Variants in MNS1 observed in about 807,000 individuals in gnomAD.
MNS1 encodes meiosis specific nuclear structural 1, also known as meiosis-specific nuclear structural protein 1.
In MNS1, 63 loss-of-function variants were observed where a neutral mutation model predicts 72.0. That is an observed-to-expected ratio of 0.87 (90% CI 0.71 to 1.08). The LOEUF is 1.08. MNS1 is among the 50% of genes least tolerant of loss of function. MNS1 has a pLI of 0.00. For missense variants in MNS1, 604 were observed against 562.4 expected (o/e 1.07, Z -0.75); for synonymous variants, 188 against 172.1 (o/e 1.09, Z -0.72).
intron 8 of MNS1, 135 bp from the exon 9 acceptor site, chr15:56,431,633 TAATA>T: frequency 1.6e-6 from 1 of 608,968 alleles, no homozygotes; most frequent in Non-Finnish European, 2.5e-6. Flanking sequence ...AGATTCTAGA[TAATA>T]TATATTTTTA....
At chr15:56,444,370 C>A in intron 5 of MNS1, 74 bp downstream of exon 5, 1 of 1,285,520 alleles carries the variant, frequency 7.8e-7, no homozygotes, top group Non-Finnish European at 1.1e-6. Context: ...CTAGGTGCTT[C>A]AGTTCCTCAC....
intron 8 of MNS1, 102 bp downstream of exon 8, chr15:56,434,036 T>C (rs1024183915): frequency 7.8e-7 from 1 of 1,277,368 alleles, no homozygotes; most frequent in Non-Finnish European, 1.1e-6. Flanking sequence ...CATACTAACA[T>C]TGTCTGGCAT....
chr15:56,443,688 T>A lies in MNS1; in HGVS notation c.853A>T (p.Met285Leu). The change falls in exon 6 of 10, where the codon ATG becomes TTG. Residue 285 changes from methionine (M) to leucine (L), a missense_variant. Transcript: ENST00000260453. ...TCCTCATTTTCTTGAACTTTTGCCA[T>A]CCGATCTTCTTCTCTTTGCTGCTGC... ...NMQQQREEDR[M>L]AKVQENEEKR... 1 of 1,613,538 alleles carries A rather than the reference T, an allele frequency of 6.2e-7. No homozygotes were observed. Among genetic ancestry groups the A allele is most frequent in the Non-Finnish European group, 8.5e-7 (1 of 1,179,772 alleles).
rs764863067 is a variant in MNS1, at chr15:56,464,024, ACC to A, written c.225_225+1del. ...AAAGTAACAATGAATAGTAAAACTT[ACC>A]TTTTGAATGGCCTCTTCCATATCCA... On this transcript the variant is annotated splice_donor_variant and coding_sequence_variant, in exon 2 of 10. Coordinates refer to ENST00000260453, the MANE Select transcript of MNS1 (RefSeq NM_018365.4). LOFTEE classifies it high-confidence loss of function. 6.2e-7 allele frequency: 1 copy of A among 1,602,116 alleles called. No individual in the cohort carries two copies. Among genetic ancestry groups the A allele is most frequent in the South Asian group, 1.1e-5 (1 of 88,378 alleles).
rs752613858 is a variant in MNS1 at position 56,444,591 on chromosome 15, C to T, written c.539G>A (p.Arg180Gln). The change falls in exon 5 of 10, where the codon CGA becomes CAA. Residue 180 changes from arginine to glutamine, a missense_variant. Transcript: ENST00000260453. ...IKEENAAEDK[R>Q]NKAKAQYYLD... ...ATAGTACTGTGCTTTCGCTTTGTTT[C>T]GTTTGTCTTCTGCAGCATTCTCTTC... 18 of 1,612,592 alleles carry T rather than the reference C, an allele frequency of 1.1e-5. No individual in the cohort carries two copies. The highest frequency in any genetic ancestry group is 9.4e-5 in the African/African-American group (7 of 74,684).
At chr15:56,430,354 G>A (rs2050551464) in intron 9 of MNS1, among the ~76,000 whole-genome samples, 1 of 152,088 alleles carries the variant, frequency 6.6e-6, no homozygotes, top group African/African-American at 2.4e-5. Flanking sequence ...CTACAGGCGT[G>A]CATCACCACA....
chr15:56,431,698 T>C (rs1233600780), intron 8 of MNS1, among the ~76,000 whole-genome samples, 200 bp from the exon 9 acceptor site: 7 of 152,014 alleles, frequency 4.6e-5, no homozygotes, highest in Non-Finnish European at 1.0e-4. Context: ...TTACTGTCAT[T>C]ATTCCTTTAA....
intron 3 of MNS1, among the ~76,000 whole-genome samples, chr15:56,452,756 G>T (rs1004860304): frequency 2.0e-5 from 3 of 151,992 alleles, no homozygotes; most frequent in Non-Finnish European, 2.9e-5. Context: ...CTGACCCTGC[G>T]ATCCACTCAC....
At chr15:56,443,147 T>C (rs1306408479) in intron 7 of MNS1, among the ~76,000 whole-genome samples, 2 of 152,214 alleles carry the variant, frequency 1.3e-5, no homozygotes, top group Non-Finnish European at 2.9e-5. Context: ...GTATGTTACG[T>C]ATCTTTCACC....
In MNS1 at chr15:56,428,977, G is replaced by GTGA; in HGVS notation, c.*121_*123dup. ...AATTGTTTACAAGTTATGAAATTCA[G>GTGA]TGATGATTTACAAAATCCAAACAGA... On this transcript the variant is annotated 3_prime_UTR_variant, in exon 10 of 10. Coordinates refer to ENST00000260453, the MANE Select transcript of MNS1 (RefSeq NM_018365.4). 1 of 566,364 alleles carries GTGA rather than the reference G, an allele frequency of 1.8e-6. No individual in the cohort carries two copies. The highest frequency in any genetic ancestry group is 3.1e-6 in the Non-Finnish European group (1 of 326,876). The allele number at this position is 566,364 out of a possible 1,614,324, so 35.1% of individuals were successfully genotyped here. A position where few individuals can be genotyped will look rare whatever the true frequency, so the allele number is the denominator to read the frequency against.
At position 56,443,850 on chromosome 15, in the gene MNS1, T is replaced by G. The variant is rs942563497; in HGVS notation, c.691A>C (p.Lys231Gln). Reference sequence around the variant, plus strand: ...TTCATTTTTTCTAACTTTTGTTGTTTTTCCCTGAAAAGCAATAACAAGTAC... The same window carrying G: ...TTCATTTTTTCTAACTTTTGTTGTTGTTCCCTGAAAAGCAATAACAAGTAC... Reference protein sequence around the residue: ...RKIYEEDQLEKQQKLEKMNAM... With the variant: ...RKIYEEDQLEQQQKLEKMNAM... The change falls in exon 6 of 10, where the codon AAA becomes CAA. Residue 231 changes from lysine to glutamine, a missense_variant. By Grantham distance (53) the Lys-to-Gln change is moderately conservative (BLOSUM62 1). Transcript: ENST00000260453. 1.6e-5 allele frequency: 25 copies of G among 1,596,090 alleles called. No homozygotes were observed. The highest frequency in any genetic ancestry group is 2.1e-5 in the Non-Finnish European group (25 of 1,174,172).
At chr15:56,459,604 C>T (rs577952023) in intron 2 of MNS1, among the ~76,000 whole-genome samples, 33 of 152,180 alleles carry the variant, frequency 2.2e-4, no homozygotes, top group East Asian at 1.9e-3. Context: ...CAGCAACTAA[C>T]GTGTACTCTT....
chr15:56,455,610 G>C (rs910214001), intron 3 of MNS1, among the ~76,000 whole-genome samples: 1 of 152,146 alleles, frequency 6.6e-6, no homozygotes, highest in African/African-American at 2.4e-5. Context: ...ACTTGGCCCT[G>C]AGTTTTGATT....
At chr15:56,442,434 C>A (rs1435247471) in intron 7 of MNS1, among the ~76,000 whole-genome samples, 3 of 152,150 alleles carry the variant, frequency 2.0e-5, no homozygotes, top group African/African-American at 7.2e-5. Flanking sequence ...ATGACACATG[C>A]ATGTGTGTAT....
chr15:56,464,111 T>C lies in MNS1; in HGVS notation c.140A>G (p.Asn47Ser), dbSNP rs752980023. 2.5e-6 allele frequency: 4 copies of C among 1,614,160 alleles called. No homozygotes were observed. The highest frequency in any genetic ancestry group is 3.4e-6 in the Non-Finnish European group (4 of 1,180,006). Residue 47 changes from asparagine to serine, a missense_variant, in exon 2 of 10, where the codon AAT (asparagine) becomes AGT (serine). Transcript: ENST00000260453. ...TTGCTTGCGCTGAACACGGTTATCATTTTCATTCTGCACCATTTGATTCCT... is the reference window on the plus strand; with the variant it reads ...TTGCTTGCGCTGAACACGGTTATCACTTTCATTCTGCACCATTTGATTCCT... ...QIRNQMVQNE[N>S]DNRVQRKQFL...
Position 56,446,840 on chromosome 15 carries a change from C to A in MNS1, c.456+1G>T. 1 of 1,591,834 alleles carries A rather than the reference C, an allele frequency of 6.3e-7. No individual in the cohort carries two copies. The highest frequency in any genetic ancestry group is 8.6e-7 in the Non-Finnish European group (1 of 1,163,002). ...AACATAATGACCAGAAACATGATTA[C>A]CATTTGTTCATATTTAATGGCATCC... On this transcript the variant is annotated splice_donor_variant, in intron 4 of 9. Transcript: ENST00000260453. LOFTEE classifies it high-confidence loss of function.
At chr15:56,461,612 G>A (rs1838687219) in intron 2 of MNS1, among the ~76,000 whole-genome samples, 1 of 129,520 alleles carries the variant, frequency 7.7e-6, no homozygotes, top group Admixed American at 8.6e-5. Flanking sequence ...AGTGAGCCGA[G>A]ATGGTGCGGC....
chr15:56,447,181 C>T (rs984389950), intron 3 of MNS1: 1 of 353,598 alleles, frequency 2.8e-6, no homozygotes, highest in Non-Finnish European at 5.2e-6. Context: ...TTTGCTTATC[C>T]TGTGTCAATA....
chr15:56,438,905 C>G (rs1482223273), intron 7 of MNS1, among the ~76,000 whole-genome samples: 1 of 152,082 alleles, frequency 6.6e-6, no homozygotes, highest in African/African-American at 2.4e-5. Flanking sequence ...GATGTCTACT[C>G]TCATCACTCT....
Sources: allele counts gnomAD v4.1 joint callset (sites outside exome capture counted in the v4.1 genomes callset), GRCh38; gene constraint gnomAD v4.1.1; transcripts MANE v1.5; gene names NCBI Gene and HGNC (gene_info 2026-07-23, HGNC 2026-07-21).